SMCP: variants seen among roughly 807,000 people sequenced by gnomAD.
SMCP encodes sperm mitochondrial-associated cysteine-rich protein.
For missense variants in SMCP, 137 were observed against 137.1 expected, an observed-to-expected ratio of 1.00 and a Z score of 0.01; for synonymous variants, 41 against 46.9, an observed-to-expected ratio of 0.87 and a Z score of 0.51.
In SMCP at chr1:152,884,870, G is replaced by C. The variant is rs1246619615; in HGVS notation, c.*97G>C. ...GAGAGTCAGGCTAGACCTGTGTTTA[G>C]AGAAGCAGTTTTCACAGTGACTACC... On this transcript the variant is annotated 3_prime_UTR_variant, in exon 2 of 2. Transcript: ENST00000368765. The C allele has an allele frequency of 8.9e-7, 1 of 1,118,182 alleles. No individual in the cohort carries two copies. Among genetic ancestry groups the C allele is most frequent in the Non-Finnish European group, 1.3e-6 (1 of 781,356 alleles). The allele number at this position is 1,118,182 out of a possible 1,614,324, so 69.3% of individuals were successfully genotyped here.
chr1:152,879,793 A>G (rs1442021382), intron 1 of SMCP, among the ~76,000 whole-genome samples: 1 of 152,164 alleles, frequency 6.6e-6, no homozygotes, highest in Non-Finnish European at 1.5e-5. Flanking sequence ...CAACCTCCAC[A>G]TTCAGGACCT....
At position 152,884,781 on chromosome 1, in the gene SMCP, A is replaced by G. The variant is rs1191220496; in HGVS notation, c.*8A>G. On this transcript the variant is annotated 3_prime_UTR_variant, in exon 2 of 2. Transcript: ENST00000368765. ...TCCAGGCCAAGCAAATGAGAGCAGAAGAAGTCAAACAAAGAAGAAGTCCCT... is the reference window on the plus strand; with the variant it reads ...TCCAGGCCAAGCAAATGAGAGCAGAGGAAGTCAAACAAAGAAGAAGTCCCT... The G allele has an allele frequency of 3.1e-6, 5 of 1,610,162 alleles. No homozygotes were observed. Among genetic ancestry groups the G allele is most frequent in the Non-Finnish European group, 4.2e-6 (5 of 1,177,462 alleles).
At chr1:152,882,272 T>TC (rs71093252) in intron 1 of SMCP, among the ~76,000 whole-genome samples, 4 of 151,914 alleles carry the variant, frequency 2.6e-5, no homozygotes, top group Non-Finnish European at 5.9e-5. Context: ...TGTCCGGCCC[T>TC]CCCCCAGAAA....
chr1:152,881,873 A>G (rs1480229301), intron 1 of SMCP, among the ~76,000 whole-genome samples: 1 of 152,240 alleles, frequency 6.6e-6, no homozygotes, highest in Non-Finnish European at 1.5e-5. Context: ...AACAGGGGAA[A>G]TGTCAGATGC....
chr1:152,883,522 T>A (rs375795685), intron 1 of SMCP, among the ~76,000 whole-genome samples: 8 of 152,018 alleles, frequency 5.3e-5, no homozygotes, highest in African/African-American at 1.9e-4. Context: ...GGAAGATGGG[T>A]AGATAGAAGT....
chr1:152,882,409 G>A (rs992552597), intron 1 of SMCP, among the ~76,000 whole-genome samples: 1 of 152,178 alleles, frequency 6.6e-6, no homozygotes, highest in African/African-American at 2.4e-5. Flanking sequence ...TTGGAGCAGG[G>A]CTGTGGGGAA....
Position 152,884,619 on chromosome 1 carries a change from G to T in SMCP, c.197G>T (p.Cys66Phe). 1 of 1,614,164 alleles carries T rather than the reference G, an allele frequency of 6.2e-7. No homozygotes were observed. Among genetic ancestry groups the T allele is most frequent in the Non-Finnish European group, 8.5e-7 (1 of 1,180,028 alleles). Residue 66 changes from cysteine to phenylalanine, a missense_variant, in exon 2 of 2, where the codon TGC becomes TTC. Physicochemically the swap from Cys to Phe is radical, Grantham distance 205 (BLOSUM62 -2). Transcript: ENST00000368765. ...NHCCQPKPPC[C>F]IQARCCGLET... ...TGCTGCCAGCCAAAACCCCCATGCTGCATTCAGGCCAGGTGCTGTGGTTTG... is the reference window on the plus strand; with the variant it reads ...TGCTGCCAGCCAAAACCCCCATGCTTCATTCAGGCCAGGTGCTGTGGTTTG...
intron 1 of SMCP, 118 bp from the exon 2 acceptor site, chr1:152,884,285 C>G: frequency 3.3e-6 from 3 of 915,832 alleles, no homozygotes; most frequent in Non-Finnish European, 1.6e-6. Flanking sequence ...GCTCTGCTTT[C>G]TCAACCCTGG....
chr1:152,881,827 G>C (rs1649064301), intron 1 of SMCP, among the ~76,000 whole-genome samples: 1 of 152,202 alleles, frequency 6.6e-6, no homozygotes, highest in Non-Finnish European at 1.5e-5. Flanking sequence ...AAAGGGGAAG[G>C]ACCTTCTTCA....
At chr1:152,883,334 T>C (rs1649113110) in intron 1 of SMCP, among the ~76,000 whole-genome samples, 1 of 152,184 alleles carries the variant, frequency 6.6e-6, no homozygotes, top group South Asian at 2.1e-4. Flanking sequence ...CTGTCTGCTG[T>C]TTCCTGGCCA....
chr1:152,880,678 A>G (rs1479060549), intron 1 of SMCP, among the ~76,000 whole-genome samples: 2 of 152,042 alleles, frequency 1.3e-5, no homozygotes, highest in East Asian at 3.9e-4. Flanking sequence ...TTCCTCTTAA[A>G]TGGAAGCAGG....
intron 1 of SMCP, 28 bp from the exon 2 acceptor site, chr1:152,884,375 T>G: frequency 1.3e-6 from 2 of 1,583,848 alleles, no homozygotes; most frequent in Non-Finnish European, 1.7e-6. Context: ...GATTTCCTTC[T>G]GATGAGAATA....
At chr1:152,880,152 A>T (rs566829676) in intron 1 of SMCP, among the ~76,000 whole-genome samples, 3 of 152,178 alleles carry the variant, frequency 2.0e-5, no homozygotes, top group Non-Finnish European at 4.4e-5. Flanking sequence ...AAAGGCAAAA[A>T]TAAACACAGA....
chr1:152,880,978 C>CA (rs1557857540), intron 1 of SMCP, among the ~76,000 whole-genome samples: 24 of 460 alleles, frequency 0.052, no homozygotes, highest in African/African-American at 0.15. Flanking sequence ...GCACTGTGCT[C>CA]CCCTCCTTCC....
intron 1 of SMCP, among the ~76,000 whole-genome samples, chr1:152,880,383 C>T (rs558307157): frequency 1.3e-5 from 2 of 152,300 alleles, no homozygotes; most frequent in Non-Finnish European, 2.9e-5. Context: ...CACACACACA[C>T]TTCCTGTCAA....
At chr1:152,879,210 AT>A (rs1648960993) in intron 1 of SMCP, among the ~76,000 whole-genome samples, 1 of 151,994 alleles carries the variant, frequency 6.6e-6, no homozygotes, top group Non-Finnish European at 1.5e-5. Flanking sequence ...ATATTTATTT[AT>A]TTGTTTGTTT....
intron 1 of SMCP, among the ~76,000 whole-genome samples, chr1:152,879,965 T>A (rs1236859622): frequency 6.6e-6 from 1 of 152,022 alleles, no homozygotes; most frequent in Non-Finnish European, 1.5e-5. Context: ...TCTGGACTTG[T>A]AAAGATGGAC....
At chr1:152,880,639 C>T (rs1238234652) in intron 1 of SMCP, among the ~76,000 whole-genome samples, 1 of 152,166 alleles carries the variant, frequency 6.6e-6, no homozygotes, top group Admixed American at 6.5e-5. Flanking sequence ...TCCCCACCCC[C>T]ATCCTTTAGG....
chr1:152,880,112 T>A (rs866591079), intron 1 of SMCP, among the ~76,000 whole-genome samples: 2 of 151,540 alleles, frequency 1.3e-5, no homozygotes, highest in African/African-American at 4.9e-5. Flanking sequence ...CAGAGAATGA[T>A]AGAGAGGCAG....
Sources: gnomAD v4.1 joint callset for allele counts (sites outside exome capture counted in the v4.1 genomes callset) on GRCh38, gnomAD v4.1.1 for gene constraint, MANE v1.5 for transcripts, NCBI Gene and HGNC (gene_info 2026-07-23, HGNC 2026-07-21) for gene names.